PDS5B: variants seen among roughly 807,000 people sequenced by gnomAD.
PDS5B encodes sister chromatid cohesion protein PDS5 homolog B.
In PDS5B, 51 loss-of-function variants were observed where a neutral mutation model predicts 184.1. The ratio of observed to expected loss-of-function variants is 0.28; its 90% CI spans 0.22 to 0.35. PDS5B has a LOEUF of 0.35. PDS5B is among the 10% of genes least tolerant of loss of function. The probability of loss-of-function intolerance (pLI) is 1.00; values close to 1 mark genes in which losing one functional copy is unlikely to be tolerated. For synonymous variants in PDS5B, 566 were observed against 569.2 expected, an observed-to-expected ratio of 0.99 and a Z score of 0.08; for missense variants, 1,180 against 1,723.3, an observed-to-expected ratio of 0.68 and a Z score of 5.58.
chr13:32,717,100 C>T (rs1952476329), intron 19 of PDS5B, among the ~76,000 whole-genome samples: 2 of 151,328 alleles, frequency 1.3e-5, no homozygotes, highest in Non-Finnish European at 3.0e-5. Flanking sequence ...CCAGCCGCCC[C>T]GTCCGGGAGG....
chr13:32,642,243 G>A (rs999478965), intron 1 of PDS5B, among the ~76,000 whole-genome samples: 2 of 152,032 alleles, frequency 1.3e-5, no homozygotes, highest in Admixed American at 6.5e-5. Context: ...AGTTCTGGTC[G>A]TTCATTCATT....
intron 24 of PDS5B, among the ~76,000 whole-genome samples, chr13:32,746,622 A>G (rs1466401752): frequency 2.0e-5 from 3 of 152,216 alleles, no homozygotes; most frequent in East Asian, 3.8e-4. Context: ...GTTCATCGCT[A>G]TGCTTGTGCT....
chr13:32,658,194 T>C, intron 3 of PDS5B, 45 bp from the exon 4 acceptor site: 1 of 866,444 alleles, frequency 1.2e-6, no homozygotes, highest in African/African-American at 1.7e-5. Flanking sequence ...TTATTTTCAT[T>C]TAGCGTTCAT....
chr13:32,732,028 A>C (rs1032048317), intron 19 of PDS5B, 73 bp from the exon 20 acceptor site: 2 of 1,252,372 alleles, frequency 1.6e-6, no homozygotes, highest in Non-Finnish European at 2.2e-6. Flanking sequence ...TAAAAATACA[A>C]ATATTAAAGT....
At chr13:32,750,271 A>T (rs190611741) in intron 24 of PDS5B, among the ~76,000 whole-genome samples, 147 of 152,312 alleles carry the variant, frequency 9.7e-4, no homozygotes, top group Admixed American at 9.2e-3. Flanking sequence ...ATCCTGAATG[A>T]TTAGTCAGAG....
chr13:32,659,411 T>C (rs1950590153), intron 6 of PDS5B, 131 bp downstream of exon 6: 1 of 541,682 alleles, frequency 1.8e-6, no homozygotes, highest in Non-Finnish European at 3.0e-6. Context: ...GTTATATTAA[T>C]ACATATTTAT....
intron 20 of PDS5B, among the ~76,000 whole-genome samples, chr13:32,733,061 A>G (rs1430626981): frequency 6.6e-6 from 1 of 152,126 alleles, no homozygotes; most frequent in Non-Finnish European, 1.5e-5. Context: ...ATTTTTGTGT[A>G]TTTGGGGATG....
intron 3 of PDS5B, among the ~76,000 whole-genome samples, chr13:32,655,594 A>G (rs1950494285): frequency 6.6e-6 from 1 of 151,046 alleles, no homozygotes; most frequent in African/African-American, 2.4e-5. Flanking sequence ...GCTGGTCTTG[A>G]ACTCCTGACC....
At position 32,644,477 on chromosome 13, in the gene PDS5B, A is replaced by G. The variant is rs571952555; in HGVS notation, c.-19-4277A>G. Among the ~76,000 whole-genome samples, 4 of 152,284 alleles carry G rather than the reference A, an allele frequency of 2.6e-5. No individual in the cohort carries two copies. The East Asian group carries it at 7.7e-4, about 29-fold the overall frequency. The stretch of plus-strand genomic sequence containing the variant: ...CCTTTTGAAGTTTTTATGTATGTAA[A>G]CATATCATCTGTGAATAACGACTGG... On this transcript the variant is annotated intron_variant, in intron 1 of 34. Transcript: ENST00000315596.
intron 23 of PDS5B, among the ~76,000 whole-genome samples, chr13:32,744,299 T>G (rs536442115): frequency 3.3e-5 from 5 of 152,300 alleles, no homozygotes; most frequent in Non-Finnish European, 7.4e-5. Context: ...ACTTATGCTG[T>G]GTTTTGTGGA....
At chr13:32,674,338 T>C (rs977330539) in intron 8 of PDS5B, among the ~76,000 whole-genome samples, 7 of 152,186 alleles carry the variant, frequency 4.6e-5, no homozygotes, top group Non-Finnish European at 8.8e-5. Context: ...ACATTGGTAA[T>C]GTGAACACCC....
At chr13:32,622,195 T>C (rs918073517) in intron 1 of PDS5B, among the ~76,000 whole-genome samples, 1 of 152,150 alleles carries the variant, frequency 6.6e-6, no homozygotes, top group Non-Finnish European at 1.5e-5. Context: ...GCTTAGCTTA[T>C]TTGTATTAAA....
At chr13:32,767,492 C>A (rs970288546) in intron 31 of PDS5B, among the ~76,000 whole-genome samples, 8 of 152,112 alleles carry the variant, frequency 5.3e-5, no homozygotes, top group African/African-American at 1.9e-4. Context: ...ATGTTTGTAA[C>A]TAACATTACT....
rs543677780 is a variant in PDS5B at position 32,679,004 on chromosome 13, A to G, written c.1057+75A>G. ...AAAAATAAGTTTCATAGGGGGAAAAAAAACCCCTTTTTTCGGGGGTGGTAG... is the reference window on the plus strand; with the variant it reads ...AAAAATAAGTTTCATAGGGGGAAAAGAAACCCCTTTTTTCGGGGGTGGTAG... On this transcript the variant is annotated intron_variant, in intron 10 of 34. Transcript: ENST00000315596. 834 of 741,224 alleles carry G rather than the reference A, an allele frequency of 1.1e-3. 15 individuals carry two copies. In the South Asian group the frequency reaches 0.014, roughly 13 times the overall value. 45.9% of individuals were successfully genotyped at this position (741,224 alleles called of 1,614,324 possible).
intron 1 of PDS5B, among the ~76,000 whole-genome samples, chr13:32,641,314 C>T (rs1403709636): frequency 6.6e-6 from 1 of 152,104 alleles, no homozygotes; most frequent in African/African-American, 2.4e-5. Context: ...ATGATACCCT[C>T]TTCTTCTGTG....
At chr13:32,771,364 TA>T (rs1471221783) in intron 33 of PDS5B, among the ~76,000 whole-genome samples, 1 of 152,178 alleles carries the variant, frequency 6.6e-6, no homozygotes, top group Non-Finnish European at 1.5e-5. Flanking sequence ...TAAGAATCTG[TA>T]CCTCAAATTT....
intron 18 of PDS5B, among the ~76,000 whole-genome samples, chr13:32,707,937 G>A (rs1023432337): frequency 6.6e-6 from 1 of 151,920 alleles, no homozygotes. Flanking sequence ...GGGCGAGATA[G>A]AAGCAGCTTT....
At chr13:32,744,096 A>G (rs1432641688) in intron 23 of PDS5B, among the ~76,000 whole-genome samples, 17 of 152,172 alleles carry the variant, frequency 1.1e-4, no homozygotes, top group Admixed American at 1.1e-3. Flanking sequence ...AAGACACACT[A>G]CACAGGTTCA....
At chr13:32,683,781 A>G (rs1951314123) in intron 10 of PDS5B, 97 bp from the exon 11 acceptor site, 1 of 728,840 alleles carries the variant, frequency 1.4e-6, no homozygotes, top group African/African-American at 1.9e-5. Context: ...CTATGTAGGT[A>G]TTGTTTTGCT....
Sources: allele counts gnomAD v4.1 joint callset (sites outside exome capture counted in the v4.1 genomes callset), GRCh38; gene constraint gnomAD v4.1.1; transcripts MANE v1.5; gene names NCBI Gene and HGNC (gene_info 2026-07-23, HGNC 2026-07-21).